The following AKAP19 variants were observed in gnomAD, a reference collection of about 807,000 sequenced individuals.
The protein encoded by AKAP19 is small A-kinase anchoring protein.
At chr2:189,991,410 C>G in the AKAP19 span, among the ~76,000 whole-genome samples, 3,837 of 152,160 alleles carry the variant, frequency 0.025, 160 homozygotes, top group East Asian at 0.17. Flanking sequence ...AAGGTAGTAT[C>G]TCATTGTAGT....
the AKAP19 span, among the ~76,000 whole-genome samples, chr2:189,970,572 A>G: frequency 6.6e-6 from 1 of 152,108 alleles, no homozygotes; most frequent in South Asian, 2.1e-4. Context: ...TATTTCATTC[A>G]TTTTTACTAC....
chr2:190,123,395 C>A, the AKAP19 span, among the ~76,000 whole-genome samples: 5 of 152,070 alleles, frequency 3.3e-5, no homozygotes, highest in African/African-American at 1.2e-4. Context: ...CCTTCCAAAT[C>A]TTTTTCCCTG....
the AKAP19 span, among the ~76,000 whole-genome samples, chr2:189,987,124 C>T: frequency 0.01 from 1,565 of 152,298 alleles, 12 homozygotes; most frequent in Non-Finnish European, 0.017. Flanking sequence ...AGAATTCCCA[C>T]ATGTTGTGAG....
At chr2:190,097,777 C>G in the AKAP19 span, among the ~76,000 whole-genome samples, 1 of 139,738 alleles carries the variant, frequency 7.2e-6, no homozygotes, top group Non-Finnish European at 1.5e-5. Context: ...AATCCCAGCA[C>G]TTTGGGAGGC....
At chr2:190,140,006 A>G in the AKAP19 span, among the ~76,000 whole-genome samples, 1 of 152,152 alleles carries the variant, frequency 6.6e-6, no homozygotes, top group African/African-American at 2.4e-5. Flanking sequence ...CATTGGGTAA[A>G]TACACCTATC....
chr2:190,109,060 A>T, the AKAP19 span, among the ~76,000 whole-genome samples: 2 of 152,132 alleles, frequency 1.3e-5, no homozygotes, highest in African/African-American at 4.8e-5. Flanking sequence ...TCCTTGACTT[A>T]ACTGTGATAT....
chr2:190,038,092 TA>T, the AKAP19 span, among the ~76,000 whole-genome samples: 1 of 152,186 alleles, frequency 6.6e-6, no homozygotes, highest in Admixed American at 6.5e-5. Flanking sequence ...AAGGGCAGTA[TA>T]TTCTTGTCTT....
chr2:189,998,943 T>G, the AKAP19 span, among the ~76,000 whole-genome samples: 1 of 152,022 alleles, frequency 6.6e-6, no homozygotes, highest in South Asian at 2.1e-4. Context: ...GGCTAATTTT[T>G]GTATTTTCAG....
At chr2:190,118,580 C>T in the AKAP19 span, among the ~76,000 whole-genome samples, 10 of 152,226 alleles carry the variant, frequency 6.6e-5, no homozygotes, top group South Asian at 4.1e-4. Context: ...AATCAATAAA[C>T]GTAATCCAGC....
chr2:189,901,252 A>T, the AKAP19 span, among the ~76,000 whole-genome samples: 14 of 151,972 alleles, frequency 9.2e-5, no homozygotes, highest in East Asian at 2.5e-3. Flanking sequence ...TTTTTTTTTT[A>T]AACGATTTTT....
chr2:190,060,175 A>C, the AKAP19 span: 1 of 1,613,112 alleles, frequency 6.2e-7, no homozygotes, highest in Admixed American at 1.7e-5. Context: ...CAATTTTGCA[A>C]CACTGTCTTC....
chr2:190,016,882 G>A, the AKAP19 span, among the ~76,000 whole-genome samples: 1 of 152,092 alleles, frequency 6.6e-6, no homozygotes, highest in Non-Finnish European at 1.5e-5. Flanking sequence ...AAAAGTTGGA[G>A]TATTGAGGTC....
chr2:190,110,791 G>A, the AKAP19 span, among the ~76,000 whole-genome samples: 1 of 152,198 alleles, frequency 6.6e-6, no homozygotes, highest in South Asian at 2.1e-4. Context: ...TCTTATAGCT[G>A]TTAATGTATG....
chr2:190,062,427 T>C, the AKAP19 span: 1 of 1,613,580 alleles, frequency 6.2e-7, no homozygotes, highest in Non-Finnish European at 8.5e-7. Context: ...GATTTGTATC[T>C]TAATGGCTTC....
the AKAP19 span, among the ~76,000 whole-genome samples, chr2:190,125,635 C>T: frequency 2.0e-5 from 3 of 152,018 alleles, no homozygotes; most frequent in Admixed American, 6.5e-5. Context: ...AAAAACAGTC[C>T]GGGATCTTTG....
the AKAP19 span, among the ~76,000 whole-genome samples, chr2:189,908,199 C>CT: frequency 0.67 from 95,234 of 141,192 alleles, 32,666 homozygotes; most frequent in South Asian, 0.8. Flanking sequence ...TTACTATATA[C>CT]TTTTTTTTTT....
chr2:190,180,855 C>A, the AKAP19 span: 1 of 985,296 alleles, frequency 1.0e-6, no homozygotes, highest in Non-Finnish European at 1.2e-6. The surrounding 1 kb of genome is among the most constrained non-coding windows in gnomAD (Gnocchi z 6.8). Context: ...AAGGACGCCC[C>A]GTCCTCCACA....
At chr2:190,113,270 T>C in the AKAP19 span, among the ~76,000 whole-genome samples, 1 of 152,194 alleles carries the variant, frequency 6.6e-6, no homozygotes, top group Non-Finnish European at 1.5e-5. Flanking sequence ...GCTATCTCTT[T>C]AATCAGTAAC....
At chr2:190,126,397 T>TA in the AKAP19 span, among the ~76,000 whole-genome samples, 1 of 145,826 alleles carries the variant, frequency 6.9e-6, no homozygotes, top group African/African-American at 2.5e-5. Context: ...GTTGTGTAAA[T>TA]ATGTATAAGA....
Sources: gnomAD v4.1 joint callset for allele counts (sites outside exome capture counted in the v4.1 genomes callset) on GRCh38, gnomAD v4.1.1 for gene constraint, Gnocchi (gnomAD v3.1) non-coding constraint, MANE v1.5 for transcripts, NCBI Gene and HGNC (gene_info 2026-07-23, HGNC 2026-07-21) for gene names.